Variants in CBFB observed in about 807,000 individuals in gnomAD.
The protein encoded by CBFB is core-binding factor subunit beta.
In CBFB, 9 loss-of-function variants were observed where a neutral mutation model predicts 30.4. The observed-to-expected ratio is 0.30, with a 90% CI of 0.18 to 0.52. The LOEUF is 0.52. Ranked by LOEUF, CBFB falls within the 20% of genes least tolerant of loss-of-function variation. CBFB has a pLI of 0.97. For missense variants in CBFB, 170 were observed against 244.0 expected (o/e 0.70, Z 2.02); for synonymous variants, 94 against 84.0 (o/e 1.12, Z -0.65).
At chr16:67,082,731 T>A (rs1961602161) in intron 5 of CBFB, among the ~76,000 whole-genome samples, 1 of 152,172 alleles carries the variant, frequency 6.6e-6, no homozygotes, top group Non-Finnish European at 1.5e-5. Context: ...ATAACTATAA[T>A]TGTCAGTCAT....
At chr16:67,065,779 G>A (rs1468115545) in intron 3 of CBFB, among the ~76,000 whole-genome samples, 1 of 152,068 alleles carries the variant, frequency 6.6e-6, no homozygotes, top group Non-Finnish European at 1.5e-5. Flanking sequence ...ATAAATAATT[G>A]ATACATGTAG....
intron 4 of CBFB, chr16:67,081,943 C>G: frequency 5.6e-6 from 1 of 179,324 alleles, no homozygotes; most frequent in Non-Finnish European, 1.2e-5. Flanking sequence ...CTCAGCCTCC[C>G]AAGTAGCTGG....
Position 67,031,390 on chromosome 16 carries a change from G to T in CBFB, c.165+1577G>T, listed in dbSNP as rs1360217444. On this transcript the variant is annotated intron_variant, in intron 2 of 5. Coordinates refer to ENST00000412916, the MANE Select transcript of CBFB (RefSeq NM_022845.3). ...GAATTCATTAGCTGGTGCGATGATC[G>T]TGTCATCCTTTGCCTGGGTTACCTT... is the stretch of plus-strand genomic sequence containing the variant. Among the ~76,000 whole-genome samples, 90 of 152,332 alleles carry T rather than the reference G, an allele frequency of 5.9e-4. 1 individual carries two copies. The highest frequency in any genetic ancestry group is 1.6e-4 in the Non-Finnish European group (11 of 68,032).
At chr16:67,094,429 A>G (rs1282545764) in intron 5 of CBFB, among the ~76,000 whole-genome samples, 2 of 152,096 alleles carry the variant, frequency 1.3e-5, no homozygotes, top group African/African-American at 4.8e-5. Flanking sequence ...AAACAAATCC[A>G]TGGCTATTTC....
chr16:67,098,773 C>A lies in CBFB; in HGVS notation c.559C>A (p.Arg187Ser). 6.3e-7 allele frequency: 1 copy of A among 1,583,320 alleles called. No homozygotes were observed. Among genetic ancestry groups the A allele is most frequent in the Non-Finnish European group, 8.7e-7 (1 of 1,152,158 alleles). The change falls in exon 6 of 6, where the codon CGT (arginine) becomes AGT (serine). Residue 187 changes from arginine (R) to serine (S), a missense_variant. Coordinates refer to ENST00000412916, the MANE Select transcript of CBFB (RefSeq NM_022845.3). ...AGGTGGTGGTGATGACCTCAAACTTCGTTAATTAATAGCACAGCAGATGTG... is the reference window on the plus strand; with the variant it reads ...AGGTGGTGGTGATGACCTCAAACTTAGTTAATTAATAGCACAGCAGATGTG... The part of the protein sequence containing the change: ...NLGGGDDLKL[R>S]
In CBFB at chr16:67,052,348, T is replaced by C. The variant is rs375826269; in HGVS notation, c.283-14334T>C. On this transcript the variant is annotated intron_variant, in intron 3 of 5. Transcript: ENST00000412916. Reference sequence around the variant, plus strand: ...ACTTTGGGAGGCCAAGGTGGGAAGATTGCATGAAGCCAGGAGTCCGAGACC... The same window carrying C: ...ACTTTGGGAGGCCAAGGTGGGAAGACTGCATGAAGCCAGGAGTCCGAGACC... Among the ~76,000 whole-genome samples the C allele has an allele frequency of 5.4e-4, 82 of 152,286 alleles. No homozygotes were observed. In the East Asian group the frequency reaches 6.0e-3, roughly 11 times the overall value.
intron 3 of CBFB, among the ~76,000 whole-genome samples, chr16:67,045,437 A>T (rs769845547): frequency 6.6e-6 from 1 of 152,094 alleles, no homozygotes. Flanking sequence ...GAATTGCTTG[A>T]ACCCGGGAGG....
intron 3 of CBFB, among the ~76,000 whole-genome samples, chr16:67,042,911 CT>C (rs1216824022): frequency 1.3e-5 from 2 of 151,908 alleles, no homozygotes; most frequent in African/African-American, 4.8e-5. Flanking sequence ...AATTTTTGTA[CT>C]TTTAGTAGAG....
At chr16:67,051,451 A>T (rs964945390) in intron 3 of CBFB, among the ~76,000 whole-genome samples, 1 of 151,990 alleles carries the variant, frequency 6.6e-6, no homozygotes. Flanking sequence ...TCCAAAATAT[A>T]TATCCAAAAT....
chr16:67,082,218 G>A lies in CBFB; in HGVS notation c.405G>A (p.Glu135=). The change falls in exon 5 of 6, where the codon GAG becomes GAA. Residue 135 remains glutamate (E), a synonymous_variant. Transcript: ENST00000412916. ...TATTTCATGTATTCTGACAGCAGGAGGATGCATTAGCACAACAGGCCTTTG... is the reference window on the plus strand; with the variant it reads ...TATTTCATGTATTCTGACAGCAGGAAGATGCATTAGCACAACAGGCCTTTG... ...LEFDEERAQQ[E]DALAQQAFEE... is the part of the protein sequence containing the mutation. The A allele has an allele frequency of 6.3e-7, 1 of 1,589,794 alleles. No individual in the cohort carries two copies. Among genetic ancestry groups the A allele is most frequent in the Non-Finnish European group, 8.6e-7 (1 of 1,164,482 alleles).
At chr16:67,092,256 T>TGG in intron 5 of CBFB, among the ~76,000 whole-genome samples, 1 of 152,344 alleles carries the variant, frequency 6.6e-6, no homozygotes, top group Admixed American at 6.5e-5. Context: ...GCAAAGGACA[T>TGG]GAACTCATTC....
At chr16:67,041,724 T>TGTGA (rs990416176) in intron 3 of CBFB, among the ~76,000 whole-genome samples, 6 of 151,530 alleles carry the variant, frequency 4.0e-5, no homozygotes, top group African/African-American at 1.5e-4. Context: ...GTTTAGCGCA[T>TGTGA]GTGAGGTTGT....
chr16:67,073,960 C>T (rs1485262948), intron 4 of CBFB, among the ~76,000 whole-genome samples: 3 of 150,436 alleles, frequency 2.0e-5, no homozygotes, highest in African/African-American at 7.3e-5. Flanking sequence ...ACCCAGGAGG[C>T]GGAGCTTGCA....
In CBFB at chr16:67,055,357, C is replaced by CTTTTTTTT. The variant is rs1163773529; in HGVS notation, c.283-11305_283-11298dup. Among the ~76,000 whole-genome samples the CTTTTTTTT allele has an allele frequency of 2.4e-3, 192 of 81,468 alleles. 28 individuals are homozygous for CTTTTTTTT. The highest frequency in any genetic ancestry group is 6.7e-3 in the African/African-American group (124 of 18,444). 53.4% of individuals were successfully genotyped at this position (81,468 alleles called of 152,430 possible). ...AAATCTATTGAATTCCAGACACTTT[C>CTTTTTTTT]TTTTTTTTTTTTTTTTTTTTTTTTT... is the stretch of plus-strand genomic sequence containing the variant. On this transcript the variant is annotated intron_variant, in intron 3 of 5. Transcript: ENST00000412916.
intron 3 of CBFB, among the ~76,000 whole-genome samples, chr16:67,054,545 T>C (rs1597136371): frequency 6.6e-6 from 1 of 152,280 alleles, no homozygotes; most frequent in African/African-American, 2.4e-5. Context: ...TTTTCTTATA[T>C]TAATTGATGA....
At chr16:67,084,165 C>A (rs376243173) in intron 5 of CBFB, among the ~76,000 whole-genome samples, 117 of 54,302 alleles carry the variant, frequency 2.2e-3, no homozygotes, top group African/African-American at 3.0e-3. Flanking sequence ...GACCCTACCT[C>A]AAAAAAAAAA....
chr16:67,079,113 A>G (rs904993959), intron 4 of CBFB, among the ~76,000 whole-genome samples: 1 of 152,194 alleles, frequency 6.6e-6, no homozygotes, highest in African/African-American at 2.4e-5. Context: ...TGTTCAGTCA[A>G]ATGTTTGAAT....
chr16:67,068,008 A>G (rs1961106147), intron 4 of CBFB, among the ~76,000 whole-genome samples: 1 of 152,218 alleles, frequency 6.6e-6, no homozygotes, highest in Admixed American at 6.5e-5. Context: ...CCCTGGATGA[A>G]CACAAGGTAG....
intron 4 of CBFB, among the ~76,000 whole-genome samples, chr16:67,081,680 C>T (rs1357423254): frequency 6.6e-5 from 10 of 151,932 alleles, no homozygotes; most frequent in Non-Finnish European, 1.5e-4. Flanking sequence ...GTGGTGCGTG[C>T]CTGTAGTCCC....
Sources: allele counts gnomAD v4.1 joint callset (sites outside exome capture counted in the v4.1 genomes callset), GRCh38; gene constraint gnomAD v4.1.1; transcripts MANE v1.5; gene names NCBI Gene and HGNC (gene_info 2026-07-23, HGNC 2026-07-21).